The following GLIS1 variants were observed in gnomAD, a reference collection of about 807,000 sequenced individuals.
The protein encoded by GLIS1 is GLIS family zinc finger 1, also known as zinc finger protein GLIS1.
In GLIS1, 24 loss-of-function variants were observed where a neutral mutation model predicts 63.8. The ratio of observed to expected loss-of-function variants is 0.38; its 90% CI spans 0.27 to 0.53. The LOEUF (loss-of-function observed/expected upper bound fraction) is 0.53, where lower values mean the gene tolerates loss of function less well. Ranked by LOEUF, GLIS1 falls within the 20% of genes least tolerant of loss-of-function variation. GLIS1 has a pLI of 0.85. For synonymous variants in GLIS1, 450 were observed against 482.5 expected (o/e 0.93, Z 0.88); for missense variants, 1,036 against 1,074.1 (o/e 0.96, Z 0.50).
chr1:53,573,020 G>A (rs1002179006), intron 4 of GLIS1, among the ~76,000 whole-genome samples: 1 of 152,178 alleles, frequency 6.6e-6, no homozygotes, highest in East Asian at 1.9e-4. Flanking sequence ...ACTGTGTTTT[G>A]TATTTTTCTT....
At chr1:53,625,428 TTCA>T (rs1382618362) in intron 2 of GLIS1, among the ~76,000 whole-genome samples, 1 of 152,202 alleles carries the variant, frequency 6.6e-6, no homozygotes, top group African/African-American at 2.4e-5. Flanking sequence ...AACCTTGGAC[TTCA>T]TCTTCTACTG....
intron 4 of GLIS1, among the ~76,000 whole-genome samples, chr1:53,593,654 G>A (rs548709748): frequency 4.6e-5 from 7 of 152,326 alleles, no homozygotes; most frequent in Admixed American, 3.9e-4. Context: ...AAGGCTGTAG[G>A]CAGCACTAGA....
chr1:53,710,658 G>A (rs1646637459), intron 2 of GLIS1, among the ~76,000 whole-genome samples: 2 of 151,162 alleles, frequency 1.3e-5, no homozygotes, highest in Non-Finnish European at 3.0e-5. Flanking sequence ...TCTGCCTGCT[G>A]GGGCTGGAGA....
chr1:53,657,546 G>C (rs1347121055), intron 2 of GLIS1, among the ~76,000 whole-genome samples: 1 of 152,146 alleles, frequency 6.6e-6, no homozygotes, highest in Non-Finnish European at 1.5e-5. Flanking sequence ...TTCCCTCTTG[G>C]TTTCCTGGAG....
At chr1:53,649,019 T>A (rs1645877431) in intron 2 of GLIS1, among the ~76,000 whole-genome samples, 1 of 152,226 alleles carries the variant, frequency 6.6e-6, no homozygotes, top group Admixed American at 6.5e-5. Context: ...ATCTACTTAT[T>A]CATGGATTTT....
chr1:53,686,192 C>T (rs1208910436), intron 2 of GLIS1, among the ~76,000 whole-genome samples: 1 of 152,166 alleles, frequency 6.6e-6, no homozygotes, highest in Non-Finnish European at 1.5e-5. Flanking sequence ...GCTATGACTG[C>T]CCTGAAGCTG....
intron 2 of GLIS1, among the ~76,000 whole-genome samples, chr1:53,707,649 CAA>C (rs1176045460): frequency 1.6e-5 from 2 of 125,616 alleles, no homozygotes; most frequent in Non-Finnish European, 1.7e-5. Context: ...GACTCCGTCT[CAA>C]AAAAAAAAAA....
At chr1:53,660,027 A>G (rs952933533) in intron 2 of GLIS1, among the ~76,000 whole-genome samples, 27 of 152,284 alleles carry the variant, frequency 1.8e-4, no homozygotes, top group African/African-American at 6.5e-4. Context: ...AAAGTGAGCA[A>G]TTTGGCTCCG....
At chr1:53,691,689 G>A (rs1646407546) in intron 2 of GLIS1, among the ~76,000 whole-genome samples, 1 of 152,098 alleles carries the variant, frequency 6.6e-6, no homozygotes, top group South Asian at 2.1e-4. Flanking sequence ...TACACTGGCC[G>A]AGCTTCGGAT....
chr1:53,638,539 C>T (rs1485115808), intron 2 of GLIS1, among the ~76,000 whole-genome samples: 3 of 152,158 alleles, frequency 2.0e-5, no homozygotes, highest in African/African-American at 4.8e-5. Context: ...TTCCCCACTG[C>T]CCCCCAACCC....
chr1:53,518,778 A>G (rs1459281696), intron 7 of GLIS1, among the ~76,000 whole-genome samples: 1 of 152,142 alleles, frequency 6.6e-6, no homozygotes, highest in Non-Finnish European at 1.5e-5. Context: ...GAACGAGAGG[A>G]TATTTGTGAA....
intron 4 of GLIS1, among the ~76,000 whole-genome samples, chr1:53,558,281 AGCCCAGG>A (rs1237104251): frequency 2.0e-5 from 3 of 152,252 alleles, no homozygotes; most frequent in Non-Finnish European, 4.4e-5. Flanking sequence ...GCTGAGAGTC[AGCCCAGG>A]GCTTTAGTCC....
chr1:53,555,583 A>G (rs1434588739), intron 4 of GLIS1, among the ~76,000 whole-genome samples: 1 of 152,204 alleles, frequency 6.6e-6, no homozygotes, highest in Non-Finnish European at 1.5e-5. Context: ...TGTTTGTAAC[A>G]CAAAGGATAA....
chr1:53,667,169 T>G (rs1646102324), intron 2 of GLIS1, among the ~76,000 whole-genome samples: 1 of 152,234 alleles, frequency 6.6e-6, no homozygotes, highest in Non-Finnish European at 1.5e-5. Flanking sequence ...ACTGTGCACA[T>G]GTGTGTGCCA....
At chr1:53,518,900 C>T (rs1359835399) in intron 7 of GLIS1, among the ~76,000 whole-genome samples, 1 of 152,246 alleles carries the variant, frequency 6.6e-6, no homozygotes, top group Non-Finnish European at 1.5e-5. Flanking sequence ...CCTGGACTGG[C>T]TGCTGACTTC....
intron 2 of GLIS1, among the ~76,000 whole-genome samples, chr1:53,698,063 G>A (rs1361602301): frequency 1.3e-5 from 2 of 151,864 alleles, no homozygotes; most frequent in African/African-American, 4.8e-5. Context: ...CCAACATTCC[G>A]AGGACTCCCC....
At chr1:53,658,855 C>T (rs1169627501) in intron 2 of GLIS1, among the ~76,000 whole-genome samples, 3 of 152,142 alleles carry the variant, frequency 2.0e-5, no homozygotes, top group Admixed American at 2.0e-4. Flanking sequence ...CAGGGCCCCA[C>T]CCAGAGTAGG....
chr1:53,701,998 G>GAAAAAAAAAAAAAAAA (rs919008620), intron 2 of GLIS1, among the ~76,000 whole-genome samples: 1 of 56,290 alleles, frequency 1.8e-5, no homozygotes, highest in Non-Finnish European at 4.0e-5. Flanking sequence ...ACCTAAAAAA[G>GAAAAAAAAAAAAAAAA]AAAAAAAAAA....
At chr1:53,624,408 A>T (rs1450277692) in intron 2 of GLIS1, among the ~76,000 whole-genome samples, 1 of 152,222 alleles carries the variant, frequency 6.6e-6, no homozygotes, top group Non-Finnish European at 1.5e-5. Context: ...TCATCAACCT[A>T]AACTTAGAAC....
Sources: gnomAD v4.1 joint callset for allele counts (sites outside exome capture counted in the v4.1 genomes callset) on GRCh38, gnomAD v4.1.1 for gene constraint, MANE v1.5 for transcripts, NCBI Gene and HGNC (gene_info 2026-07-23, HGNC 2026-07-21) for gene names.